Variants in STUM observed in about 807,000 individuals in gnomAD.
STUM encodes the protein protein stum homolog.
A neutral mutation model predicts 15.3 loss-of-function variants in STUM; 8 were observed. That is an observed-to-expected ratio of 0.52 (90% CI 0.31 to 0.94). STUM has a LOEUF of 0.94. Among genes scored for constraint, STUM ranks in the 40% least tolerant of loss-of-function variants. The probability of loss-of-function intolerance (pLI) is 0.05; values close to 1 mark genes in which losing one functional copy is unlikely to be tolerated. For synonymous variants in STUM, 78 were observed against 88.7 expected (o/e 0.88, Z 0.68); for missense variants, 142 against 204.9 (o/e 0.69, Z 1.87).
At chr1:226,593,897 G>A (rs1668129353) in intron 1 of STUM, among the ~76,000 whole-genome samples, 1 of 152,154 alleles carries the variant, frequency 6.6e-6, no homozygotes, top group African/African-American at 2.4e-5. Flanking sequence ...TAGATCTCAG[G>A]TGGGACCCCG....
In STUM at chr1:226,567,302, A is replaced by C. The variant is rs1667640543; in HGVS notation, c.202+18196A>C. 6.6e-6 allele frequency among the ~76,000 whole-genome samples: 1 copy of C among 152,224 alleles called. No individual in the cohort carries two copies. Among genetic ancestry groups the C allele is most frequent in the Admixed American group, 6.5e-5 (1 of 15,278 alleles). On this transcript the variant is annotated intron_variant, in intron 1 of 3. Coordinates refer to ENST00000366788, the MANE Select transcript of STUM (RefSeq NM_001003665.4). This position sits in a 1 kb window ranked among gnomAD's most constrained non-coding sequence, Gnocchi z 4.5. ...GACGGCCCCGCGGGCTCTTTTCTCAAACCAGATTCGTTCAAAAAGCCCATT... is the reference window on the plus strand; with the variant it reads ...GACGGCCCCGCGGGCTCTTTTCTCACACCAGATTCGTTCAAAAAGCCCATT...
intron 1 of STUM, among the ~76,000 whole-genome samples, chr1:226,557,891 A>T (rs573358474): frequency 9.2e-5 from 14 of 152,368 alleles, no homozygotes; most frequent in African/African-American, 3.4e-4. Flanking sequence ...AAACCATATG[A>T]TCATCTCATT....
chr1:226,550,929 G>GAAAC lies in STUM; in HGVS notation c.202+1831_202+1834dup, dbSNP rs562051823. ...GATCAGAATCCTATGGGATTTTTGT[G>GAAAC]AAACAAACAAATAAACAAACAAACA... is the stretch of plus-strand genomic sequence containing the variant. On this transcript the variant is annotated intron_variant, in intron 1 of 3. Coordinates refer to ENST00000366788, the MANE Select transcript of STUM (RefSeq NM_001003665.4). 1.9e-3 allele frequency among the ~76,000 whole-genome samples: 288 copies of GAAAC among 152,232 alleles called. 2 individuals carry two copies. The highest frequency in any genetic ancestry group is 6.5e-3 in the African/African-American group (272 of 41,546).
At chr1:226,559,006 A>T (rs745464969) in intron 1 of STUM, among the ~76,000 whole-genome samples, 1 of 152,250 alleles carries the variant, frequency 6.6e-6, no homozygotes, top group Non-Finnish European at 1.5e-5. Context: ...GAAGGAGACC[A>T]TATTTTCCTA....
chr1:226,561,049 A>T (rs1340200805), intron 1 of STUM, among the ~76,000 whole-genome samples: 1 of 151,910 alleles, frequency 6.6e-6, no homozygotes, highest in African/African-American at 2.4e-5. Context: ...TCAAGACCCA[A>T]CTCAAATGCC....
At chr1:226,590,198 A>G (rs1011142376) in intron 1 of STUM, among the ~76,000 whole-genome samples, 2 of 151,982 alleles carry the variant, frequency 1.3e-5, no homozygotes, top group Non-Finnish European at 2.9e-5. Flanking sequence ...TCTCCTCAGC[A>G]GATAAACAAG....
chr1:226,553,492 C>A (rs1180737397), intron 1 of STUM, among the ~76,000 whole-genome samples: 1 of 152,076 alleles, frequency 6.6e-6, no homozygotes, highest in Non-Finnish European at 1.5e-5. Context: ...AGAGTCCAAA[C>A]AATAAATGGA....
chr1:226,581,012 G>A (rs1256187532), intron 1 of STUM, among the ~76,000 whole-genome samples: 1 of 152,162 alleles, frequency 6.6e-6, no homozygotes, highest in African/African-American at 2.4e-5. Flanking sequence ...CAAGGCCCAG[G>A]GTGCGGCCCT....
intron 1 of STUM, among the ~76,000 whole-genome samples, chr1:226,571,108 G>A (rs756124829): frequency 6.6e-6 from 1 of 152,060 alleles, no homozygotes; most frequent in Non-Finnish European, 1.5e-5. Flanking sequence ...GTGGGCACCT[G>A]TAATCCCATC....
chr1:226,579,804 A>C (rs1187105161), intron 1 of STUM, among the ~76,000 whole-genome samples: 3 of 151,986 alleles, frequency 2.0e-5, no homozygotes, highest in African/African-American at 7.3e-5. Context: ...ATTAAAAAAA[A>C]AATTTTTTTT....
intron 1 of STUM, among the ~76,000 whole-genome samples, chr1:226,579,381 G>A (rs142233264): frequency 1.3e-5 from 2 of 152,324 alleles, no homozygotes; most frequent in African/African-American, 2.4e-5. Context: ...GCTGGGCTGC[G>A]TGCTGGGAAT....
intron 1 of STUM, among the ~76,000 whole-genome samples, chr1:226,572,348 G>A (rs1667723721): frequency 6.6e-6 from 1 of 152,150 alleles, no homozygotes; most frequent in South Asian, 2.1e-4. Flanking sequence ...CTTTCAACAA[G>A]TATGCATTGT....
In STUM at chr1:226,597,045, G is replaced by A. The variant is rs1668193028; in HGVS notation, c.382+64G>A. 12 of 1,481,926 alleles carry A rather than the reference G, an allele frequency of 8.1e-6. No homozygotes were observed. The South Asian group carries it at 1.4e-4, about 17-fold the overall frequency. The allele number at this position is 1,481,926 out of a possible 1,614,324, so 91.8% of individuals were successfully genotyped here. ...AGTGGCCAGGGACAGGAAGGGCTTG[G>A]GAGACCTTCATGTCTGGCCGAGGTC... On this transcript the variant is annotated intron_variant, in intron 2 of 3. Transcript: ENST00000366788.
Position 226,602,714 on chromosome 1 carries a change from TTCC to T in STUM, c.*676_*678del, listed in dbSNP as rs1348712359. 1 of 152,280 alleles carries T rather than the reference TTCC, an allele frequency of 6.6e-6. No individual in the cohort carries two copies. 9.4% of individuals were successfully genotyped at this position (152,280 alleles called of 1,614,324 possible). ...GGCTGGGTGTGTCGTGACCTGTGTT[TTCC>T]TGGGAAGGAGAGGAGTAGCTCCTTC... On this transcript the variant is annotated 3_prime_UTR_variant, in exon 4 of 4. Coordinates refer to ENST00000366788, the MANE Select transcript of STUM (RefSeq NM_001003665.4).
intron 1 of STUM, among the ~76,000 whole-genome samples, chr1:226,551,506 G>A (rs1409498252): frequency 6.6e-6 from 1 of 152,250 alleles, no homozygotes; most frequent in Non-Finnish European, 1.5e-5. Context: ...TTCCCCAGGA[G>A]TGGTTTAAAT....
At chr1:226,601,070 C>T (rs1002469199) in intron 3 of STUM, among the ~76,000 whole-genome samples, 11 of 152,114 alleles carry the variant, frequency 7.2e-5, no homozygotes, top group South Asian at 2.1e-4. Flanking sequence ...AATAACCGCT[C>T]GGCAAATTCT....
Position 226,548,929 on chromosome 1 carries a change from G to C in STUM, c.25G>C (p.Glu9Gln), listed in dbSNP as rs1398798188. 6 of 1,442,982 alleles carry C rather than the reference G, an allele frequency of 4.2e-6. No individual in the cohort carries two copies. The highest frequency in any genetic ancestry group is 4.5e-6 in the Non-Finnish European group (5 of 1,103,946). The allele number at this position is 1,442,982 out of a possible 1,614,324, so 89.4% of individuals were successfully genotyped here. A position where few individuals can be genotyped will look rare whatever the true frequency, so the allele number is the denominator to read the frequency against. MEPSHKDAETAAAAAAVAA... is the reference protein window; with the variant it reads MEPSHKDAQTAAAAAAVAA... ...CATGGAGCCCTCGCACAAAGACGCCGAGACGGCGGCGGCGGCGGCGGCGGT... is the reference window on the plus strand; with the variant it reads ...CATGGAGCCCTCGCACAAAGACGCCCAGACGGCGGCGGCGGCGGCGGCGGT... Residue 9 changes from glutamate to glutamine, a missense_variant, in exon 1 of 4, where the codon GAG becomes CAG. Transcript: ENST00000366788.
intron 1 of STUM, among the ~76,000 whole-genome samples, chr1:226,554,035 T>A (rs993506188): frequency 5.9e-5 from 9 of 152,238 alleles, no homozygotes; most frequent in Non-Finnish European, 1.3e-4. Flanking sequence ...TGTAGGAGAA[T>A]ACTTCCTCCC....
In STUM at chr1:226,549,155, G is replaced by A. The variant is rs754567693; in HGVS notation, c.202+49G>A. On this transcript the variant is annotated intron_variant, in intron 1 of 3. Transcript: ENST00000366788. The surrounding 1 kb of genome is among the most constrained non-coding windows in gnomAD (Gnocchi z 6.8). ...TTGCGACCCCCACCCCGCCGCGGGA[G>A]GGCGTGGGGGGAGAGAAGGGCGCGG... 6.7e-7 allele frequency: 1 copy of A among 1,494,016 alleles called. No individual in the cohort carries two copies. The highest frequency in any genetic ancestry group is 9.0e-7 in the Non-Finnish European group (1 of 1,105,820). 92.5% of individuals were successfully genotyped at this position (1,494,016 alleles called of 1,614,324 possible).
Sources: gnomAD v4.1 joint callset for allele counts (sites outside exome capture counted in the v4.1 genomes callset) on GRCh38, gnomAD v4.1.1 for gene constraint, Gnocchi (gnomAD v3.1) non-coding constraint, MANE v1.5 for transcripts, NCBI Gene and HGNC (gene_info 2026-07-23, HGNC 2026-07-21) for gene names.